THEMIS: variants seen among roughly 807,000 people sequenced by gnomAD.
THEMIS encodes protein THEMIS.
THEMIS carries 37 observed loss-of-function variants against 52.6 expected under a neutral mutation model. The ratio of observed to expected loss-of-function variants is 0.70; its 90% CI spans 0.54 to 0.93. The LOEUF is 0.93. Among genes scored for constraint, THEMIS ranks in the 40% least tolerant of loss-of-function variants. THEMIS has a pLI of 0.00. For missense variants in THEMIS, 808 were observed against 763.1 expected (o/e 1.06, Z -0.69); for synonymous variants, 292 against 272.7 (o/e 1.07, Z -0.70).
Position 127,908,243 on chromosome 6 carries a change from T to C in THEMIS, c.-149-7162A>G, listed in dbSNP as rs542080169. Among the ~76,000 whole-genome samples, 94 of 152,288 alleles carry C rather than the reference T, an allele frequency of 6.2e-4. 1 individual carries two copies. Among genetic ancestry groups the C allele is most frequent in the Middle Eastern group, 3.4e-3 (1 of 294 alleles). The stretch of plus-strand genomic sequence containing the variant: ...AACTCTTCCTCTATGCTTGTCATTA[T>C]ACAAGGCACTGAGAATATAAGCCCT... On this transcript the variant is annotated intron_variant, in intron 1 of 6. Transcript: ENST00000368250.
chr6:127,844,378 G>A (rs1428737055), intron 2 of THEMIS, among the ~76,000 whole-genome samples: 2 of 151,954 alleles, frequency 1.3e-5, no homozygotes, highest in African/African-American at 4.8e-5. Flanking sequence ...AAGGGTAGTA[G>A]AGGATGTTCC....
At chr6:127,697,669 A>C in the THEMIS span, among the ~76,000 whole-genome samples, 1 of 151,476 alleles carries the variant, frequency 6.6e-6, no homozygotes, top group Middle Eastern at 3.4e-3. Flanking sequence ...AGTCTTTTGC[A>C]ATTGTTAATC....
chr6:127,818,834 A>G (rs1778224107), intron 3 of THEMIS, among the ~76,000 whole-genome samples: 1 of 152,118 alleles, frequency 6.6e-6, no homozygotes, highest in Non-Finnish European at 1.5e-5. Flanking sequence ...AATTAAAAAC[A>G]CAGGACCAGG....
intron 1 of THEMIS, among the ~76,000 whole-genome samples, chr6:127,912,262 C>T (rs1781429640): frequency 6.6e-6 from 1 of 152,182 alleles, no homozygotes; most frequent in Non-Finnish European, 1.5e-5. Context: ...TGTGTTTACT[C>T]AATGTTTCTA....
At chr6:127,797,039 C>G (rs533957405) in intron 4 of THEMIS, among the ~76,000 whole-genome samples, 13 of 152,344 alleles carry the variant, frequency 8.5e-5, no homozygotes, top group African/African-American at 3.1e-4. Flanking sequence ...CTTCTTCCTG[C>G]TGTAGCTTAA....
intron 1 of THEMIS, among the ~76,000 whole-genome samples, chr6:127,879,289 C>CAAG (rs1780406438): frequency 6.6e-6 from 1 of 152,128 alleles, no homozygotes; most frequent in African/African-American, 2.4e-5. Context: ...TTATGTCTAA[C>CAAG]TCTGCAAGAG....
At chr6:127,916,323 C>A (rs186453121) in intron 1 of THEMIS, among the ~76,000 whole-genome samples, 1 of 151,906 alleles carries the variant, frequency 6.6e-6, no homozygotes, top group Non-Finnish European at 1.5e-5. Flanking sequence ...AGCTATATTA[C>A]AATAAAAAGT....
chr6:127,834,114 G>A (rs1311369374), intron 2 of THEMIS, among the ~76,000 whole-genome samples: 1 of 152,108 alleles, frequency 6.6e-6, no homozygotes, highest in East Asian at 1.9e-4. Flanking sequence ...AATAAGCAAT[G>A]TGGGGGAAGT....
At chr6:127,855,669 T>A (rs934783298) in intron 1 of THEMIS, among the ~76,000 whole-genome samples, 1 of 152,092 alleles carries the variant, frequency 6.6e-6, no homozygotes, top group Non-Finnish European at 1.5e-5. Flanking sequence ...GTTCTCTTCA[T>A]TAGCATGAAA....
At position 127,912,077 on chromosome 6, in the gene THEMIS, A is replaced by G. The variant is rs925122933; in HGVS notation, c.-150+6351T>C. On this transcript the variant is annotated intron_variant, in intron 1 of 6. Coordinates refer to the THEMIS transcript ENST00000368250. ...GTACCCTGCAAAGTCATGGGGCAGA[A>G]CTACCCAAGGCTACAGGAACCCACC... 3.3e-5 allele frequency among the ~76,000 whole-genome samples: 5 copies of G among 152,192 alleles called. No individual in the cohort carries two copies. The South Asian group carries it at 1.0e-3, about 31-fold the overall frequency.
chr6:127,772,231 G>A (rs1338837379), intron 4 of THEMIS, among the ~76,000 whole-genome samples: 1 of 151,508 alleles, frequency 6.6e-6, no homozygotes, highest in East Asian at 1.9e-4. Context: ...AATGTTAAGT[G>A]GAATTGCTAG....
intron 3 of THEMIS, among the ~76,000 whole-genome samples, chr6:127,826,736 T>C (rs770960544): frequency 9.2e-5 from 14 of 152,160 alleles, no homozygotes; most frequent in Non-Finnish European, 2.1e-4. Flanking sequence ...AATTTTGTCT[T>C]CCTGAGAAAG....
At chr6:127,818,791 A>C (rs1778222832) in intron 3 of THEMIS, among the ~76,000 whole-genome samples, 1 of 151,560 alleles carries the variant, frequency 6.6e-6, no homozygotes. Context: ...AAGAGATGGA[A>C]ACTCTAGGGG....
rs910219828 is a variant in THEMIS at position 127,895,618 on chromosome 6, A to G, written c.91+5224T>C. Among the ~76,000 whole-genome samples, 5 of 151,508 alleles carry G rather than the reference A, an allele frequency of 3.3e-5. No homozygotes were observed. The East Asian group carries it at 7.7e-4, about 23-fold the overall frequency. On this transcript the variant is annotated intron_variant, in intron 1 of 5. Coordinates refer to ENST00000368248, the MANE Select transcript of THEMIS (RefSeq NM_001010923.3). ...AAGAACTCTATAGAGACACTTTTTT[A>G]AACTGTGATAAATTATGTAGAAGAT...
rs776277665 is a variant in THEMIS at position 127,829,639 on chromosome 6, G to A, written c.546C>T (p.Tyr182=). 8.7e-6 allele frequency: 14 copies of A among 1,613,960 alleles called. No homozygotes were observed. The highest frequency in any genetic ancestry group is 1.2e-5 in the Non-Finnish European group (14 of 1,180,008). Residue 182 remains tyrosine (Y), a synonymous_variant, in exon 3 of 6, where the codon TAC becomes TAT. Transcript: ENST00000368248. Reference sequence around the variant, plus strand: ...TCCATTCAACAATCTCCTTTAGAGTGTAAATACGTTCATCTTCACACTCGT... The same window carrying A: ...TCCATTCAACAATCTCCTTTAGAGTATAAATACGTTCATCTTCACACTCGT... ...EFYECEDERI[Y]TLKEIVEWKI... is the part of the protein sequence containing the mutation.
At chr6:127,749,947 T>C (rs1775578849) in intron 4 of THEMIS, among the ~76,000 whole-genome samples, 1 of 149,794 alleles carries the variant, frequency 6.7e-6, no homozygotes, top group African/African-American at 2.5e-5. Flanking sequence ...CTTGATCTTT[T>C]CTCAGGAATT....
intron 4 of THEMIS, among the ~76,000 whole-genome samples, chr6:127,734,593 G>A (rs948996234): frequency 2.6e-5 from 4 of 151,898 alleles, no homozygotes; most frequent in South Asian, 2.1e-4. Context: ...AATGGAGGCC[G>A]AGCGCTGTGG....
Position 127,729,531 on chromosome 6 carries a change from T to G in THEMIS, c.1759-9708A>C, listed in dbSNP as rs555341772. ...TCTTTCCTTAGAAACAACACTTGATTTCTTCTGTTTCTTACTGACTCACAA... is the reference window on the plus strand; with the variant it reads ...TCTTTCCTTAGAAACAACACTTGATGTCTTCTGTTTCTTACTGACTCACAA... On this transcript the variant is annotated intron_variant, in intron 4 of 5. Coordinates refer to ENST00000368248, the MANE Select transcript of THEMIS (RefSeq NM_001010923.3). 3.3e-5 allele frequency among the ~76,000 whole-genome samples: 5 copies of G among 152,224 alleles called. No homozygotes were observed. In the South Asian group the frequency reaches 8.3e-4, roughly 25 times the overall value.
chr6:127,776,776 C>A (rs554565236), intron 4 of THEMIS, among the ~76,000 whole-genome samples: 53 of 152,308 alleles, frequency 3.5e-4, no homozygotes, highest in African/African-American at 1.3e-3. Flanking sequence ...TCTGTTTCAA[C>A]TGTAATTGTG....
Sources: gnomAD v4.1 joint callset for allele counts (sites outside exome capture counted in the v4.1 genomes callset) on GRCh38, gnomAD v4.1.1 for gene constraint, MANE v1.5 for transcripts, NCBI Gene and HGNC (gene_info 2026-07-23, HGNC 2026-07-21) for gene names.